Variants in MEGF10 observed in about 807,000 individuals in gnomAD.
MEGF10 encodes multiple EGF like domains 10.
A neutral mutation model predicts 147.5 loss-of-function variants in MEGF10; 86 were observed. The observed-to-expected ratio is 0.58, with a 90% CI of 0.49 to 0.70. MEGF10 has a LOEUF of 0.70. Among genes scored for constraint, MEGF10 ranks in the 30% least tolerant of loss-of-function variants. The pLI is 0.00. For missense variants in MEGF10, 1,329 were observed against 1,487.3 expected, an observed-to-expected ratio of 0.89 and a Z score of 1.75; for synonymous variants, 478 against 525.5, an observed-to-expected ratio of 0.91 and a Z score of 1.24.
chr5:127,290,291 C>G (rs1221015499), upstream of MEGF10, among the ~76,000 whole-genome samples: 1 of 152,136 alleles, frequency 6.6e-6, no homozygotes, highest in Non-Finnish European at 1.5e-5. Context: ...ATCACATTCT[C>G]TGGCACGGCT....
At chr5:127,257,125 A>G in the MEGF10 span, among the ~76,000 whole-genome samples, 1 of 152,118 alleles carries the variant, frequency 6.6e-6, no homozygotes, top group East Asian at 1.9e-4. Context: ...TGTCTTATGC[A>G]GATAGAGTCT....
intron 13 of MEGF10, among the ~76,000 whole-genome samples, chr5:127,430,254 T>C (rs143022822): frequency 2.7e-3 from 412 of 152,282 alleles, no homozygotes; most frequent in African/African-American, 9.7e-3. Context: ...TGAGTTGGGT[T>C]TCCTTTTCTG....
the MEGF10 span, among the ~76,000 whole-genome samples, chr5:127,285,523 G>A: frequency 4.6e-5 from 7 of 152,152 alleles, no homozygotes; most frequent in Non-Finnish European, 8.8e-5. Context: ...TAGTTATGTT[G>A]TAGTGTTCAG....
the MEGF10 span, among the ~76,000 whole-genome samples, chr5:127,254,981 G>A: frequency 1.3e-5 from 2 of 151,462 alleles, no homozygotes. Context: ...TTATTACTCA[G>A]ATCAGCCTCA....
intron 8 of MEGF10, among the ~76,000 whole-genome samples, chr5:127,408,629 A>C (rs1233632313): frequency 6.6e-6 from 1 of 152,240 alleles, no homozygotes. Context: ...CAATTACTCC[A>C]TAACTTTTCT....
At chr5:127,391,087 TGCGCGCGC>T (rs139002719) in intron 5 of MEGF10, among the ~76,000 whole-genome samples, 53,074 of 131,790 alleles carry the variant, frequency 0.4, 12,306 homozygotes, top group Middle Eastern at 0.62. Context: ...CATACACACA[TGCGCGCGC>T]GCGCGCGCAC....
At chr5:127,287,677 G>C (rs1759071338), upstream of MEGF10, among the ~76,000 whole-genome samples, 1 of 151,836 alleles carries the variant, frequency 6.6e-6, no homozygotes, top group African/African-American at 2.4e-5. Flanking sequence ...TGGATTCAAG[G>C]CACTCTCAAT....
At chr5:127,279,762 G>T in the MEGF10 span, among the ~76,000 whole-genome samples, 1 of 152,258 alleles carries the variant, frequency 6.6e-6, no homozygotes, top group African/African-American at 2.4e-5. Context: ...ACTATAGAAA[G>T]AGACTCCAGA....
chr5:127,244,207 A>AG, the MEGF10 span, among the ~76,000 whole-genome samples: 1 of 151,268 alleles, frequency 6.6e-6, no homozygotes, highest in East Asian at 1.9e-4. Flanking sequence ...AAAAAAAAAA[A>AG]AAAAAAAAAA....
the MEGF10 span, among the ~76,000 whole-genome samples, chr5:127,279,586 T>C: frequency 2.0e-5 from 3 of 152,232 alleles, no homozygotes; most frequent in Admixed American, 6.5e-5. Context: ...CAGCAGTTCC[T>C]CCCACCGCAG....
rs1472065470 is a variant in MEGF10 at position 127,457,398 on chromosome 5, T to G, written c.*80T>G. On this transcript the variant is annotated 3_prime_UTR_variant, in exon 25 of 25. Transcript: ENST00000503335. ...TCTTCTCCATCCTCAATTTTGCCAC[T>G]TTCATGTGAATGTTAGTCAATTCGG... The G allele has an allele frequency of 6.9e-7, 1 of 1,457,030 alleles. No individual in the cohort carries two copies. The highest frequency in any genetic ancestry group is 1.9e-4 in the Middle Eastern group (1 of 5,236). The allele number at this position is 1,457,030 out of a possible 1,614,324, so 90.3% of individuals were successfully genotyped here.
intron 1 of MEGF10, among the ~76,000 whole-genome samples, chr5:127,292,657 G>A (rs1433257170): frequency 6.6e-6 from 1 of 152,160 alleles, no homozygotes; most frequent in Admixed American, 6.5e-5. Flanking sequence ...GAATTTATAG[G>A]GTGGTGGGTC....
intron 2 of MEGF10, among the ~76,000 whole-genome samples, chr5:127,335,148 C>A (rs1761412462): frequency 6.6e-6 from 1 of 152,110 alleles, no homozygotes. Flanking sequence ...GAAAGTTGTG[C>A]AGAATTGGGA....
rs1057449226 is a variant in MEGF10, at chr5:127,410,314, C to A, written c.918-75C>A. The A allele has an allele frequency of 3.6e-6, 5 of 1,403,892 alleles. No homozygotes were observed. The African/African-American group carries it at 5.7e-5, about 16-fold the overall frequency. The allele number at this position is 1,403,892 out of a possible 1,614,324, so 87.0% of individuals were successfully genotyped here. A position where few individuals can be genotyped will look rare whatever the true frequency, so the allele number is the denominator to read the frequency against. ...CAGCTTCGATTTATGCATAACAAAGCCATTCCAAATTAACTGTTTATTTTC... is the reference window on the plus strand; with the variant it reads ...CAGCTTCGATTTATGCATAACAAAGACATTCCAAATTAACTGTTTATTTTC... On this transcript the variant is annotated intron_variant, in intron 8 of 24. Coordinates refer to ENST00000503335, the MANE Select transcript of MEGF10 (RefSeq NM_001256545.2).
intron 17 of MEGF10, among the ~76,000 whole-genome samples, chr5:127,439,198 A>C (rs994840348): frequency 6.6e-6 from 1 of 152,070 alleles, no homozygotes; most frequent in African/African-American, 2.4e-5. Context: ...TTTTTCTTCC[A>C]TTAGGCTTTT....
At chr5:127,365,953 A>C (rs1762638020) in intron 4 of MEGF10, among the ~76,000 whole-genome samples, 2 of 152,180 alleles carry the variant, frequency 1.3e-5, no homozygotes. Context: ...CTGCTACTGA[A>C]CATCTGCTAA....
At chr5:127,441,038 G>A (rs1247297067) in intron 18 of MEGF10, among the ~76,000 whole-genome samples, 171 bp downstream of exon 18, 1 of 152,164 alleles carries the variant, frequency 6.6e-6, no homozygotes, top group Non-Finnish European at 1.5e-5. Flanking sequence ...GGCCTCCCTG[G>A]GATCATCGCT....
chr5:127,449,455 G>C (rs1766074797), intron 22 of MEGF10, among the ~76,000 whole-genome samples: 1 of 152,136 alleles, frequency 6.6e-6, no homozygotes, highest in South Asian at 2.1e-4. Context: ...AAAGAGATTG[G>C]GATCTCTGCC....
intron 18 of MEGF10, among the ~76,000 whole-genome samples, chr5:127,441,668 G>T (rs578181771): frequency 2.0e-5 from 3 of 152,256 alleles, no homozygotes; most frequent in Admixed American, 2.0e-4. Flanking sequence ...AACCTTTTGG[G>T]CGGGAAAAGG....
Sources: gnomAD v4.1 joint callset for allele counts (sites outside exome capture counted in the v4.1 genomes callset) on GRCh38, gnomAD v4.1.1 for gene constraint, MANE v1.5 for transcripts, NCBI Gene and HGNC (gene_info 2026-07-23, HGNC 2026-07-21) for gene names.